DCPS: variants seen among roughly 807,000 people sequenced by gnomAD.
The protein encoded by DCPS is m7GpppX diphosphatase.
Under a neutral mutation model 34.7 loss-of-function variants are expected in DCPS, and 27 were observed. The ratio of observed to expected loss-of-function variants is 0.78; its 90% CI spans 0.57 to 1.07. DCPS has a LOEUF of 1.07. Among genes scored for constraint, DCPS ranks in the 50% least tolerant of loss-of-function variants. The pLI is 0.00. For missense variants in DCPS, 464 were observed against 436.9 expected, an observed-to-expected ratio of 1.06 and a Z score of -0.55; for synonymous variants, 185 against 185.7, an observed-to-expected ratio of 1.00 and a Z score of 0.03.
chr11:126,327,777 A>G lies in DCPS; in HGVS notation c.377-3628A>G, dbSNP rs1218144493. Among the ~76,000 whole-genome samples, 1 of 152,246 alleles carries G rather than the reference A, an allele frequency of 6.6e-6. No individual in the cohort carries two copies. Among genetic ancestry groups the G allele is most frequent in the Admixed American group, 6.5e-5 (1 of 15,278 alleles). ...TCGAAAAGGCCAGATTCATTGATTC[A>G]TTTGTTCACTAAGTATTTACTGAGT... On this transcript the variant is annotated intron_variant, in intron 2 of 5. Coordinates refer to ENST00000263579, the MANE Select transcript of DCPS (RefSeq NM_014026.6). The surrounding 1 kb of genome is among the most constrained non-coding windows in gnomAD (Gnocchi z 4.1).
chr11:126,334,592 C>T lies in DCPS; in HGVS notation c.522+3042C>T, dbSNP rs745684060. 2.6e-5 allele frequency among the ~76,000 whole-genome samples: 4 copies of T among 152,134 alleles called. No individual in the cohort carries two copies. Among genetic ancestry groups the T allele is most frequent in the Non-Finnish European group, 5.9e-5 (4 of 68,032 alleles). On this transcript the variant is annotated intron_variant, in intron 3 of 5. Transcript: ENST00000263579. The surrounding 1 kb of genome is among the most constrained non-coding windows in gnomAD (Gnocchi z 5.5). The stretch of plus-strand genomic sequence containing the variant: ...CTCCTGACCTCAAGTGACCTGCCCA[C>T]CTTGGCCTCCCAAAGTGCTGGGATT...
chr11:126,344,247 C>G lies in DCPS; in HGVS notation c.747+830C>G, dbSNP rs564748985. ...CCTGGAGGCAAGGCTCTGCCCATACCCAGCTTCCCCTGCTGCTGGGCCCCG... is the reference window on the plus strand; with the variant it reads ...CCTGGAGGCAAGGCTCTGCCCATACGCAGCTTCCCCTGCTGCTGGGCCCCG... On this transcript the variant is annotated intron_variant, in intron 5 of 5. Coordinates refer to ENST00000263579, the MANE Select transcript of DCPS (RefSeq NM_014026.6). This position sits in a 1 kb window ranked among gnomAD's most constrained non-coding sequence, Gnocchi z 8.1. Among the ~76,000 whole-genome samples the G allele has an allele frequency of 1.4e-4, 22 of 152,306 alleles. No individual in the cohort carries two copies. The East Asian group carries it at 4.1e-3, about 28-fold the overall frequency.
rs1213209852 is a variant in DCPS at position 126,323,204 on chromosome 11, A to C, written c.377-8201A>C. Among the ~76,000 whole-genome samples the C allele has an allele frequency of 6.6e-6, 1 of 152,208 alleles. No homozygotes were observed. The highest frequency in any genetic ancestry group is 1.5e-5 in the Non-Finnish European group (1 of 68,046). ...AAGTCTCAAAATATATCTTGCTTGC[A>C]CCATGTCTCTGGGCACAACTTGAGT... On this transcript the variant is annotated intron_variant, in intron 2 of 5. Transcript: ENST00000263579. The surrounding 1 kb of genome is among the most constrained non-coding windows in gnomAD (Gnocchi z 4.4).
Position 126,331,678 on chromosome 11 carries a change from G to C in DCPS, c.522+128G>C, listed in dbSNP as rs1251457639. On this transcript the variant is annotated intron_variant, in intron 3 of 5. Coordinates refer to ENST00000263579, the MANE Select transcript of DCPS (RefSeq NM_014026.6). The surrounding 1 kb of genome is among the most constrained non-coding windows in gnomAD (Gnocchi z 7.2). ...GGCGAGGGGATGGGGGTACAGTAGAGAGCATGGCGGACAGAATCCCCACCT... is the reference window on the plus strand; with the variant it reads ...GGCGAGGGGATGGGGGTACAGTAGACAGCATGGCGGACAGAATCCCCACCT... 2.5e-6 allele frequency: 3 copies of C among 1,180,010 alleles called. No individual in the cohort carries two copies. Among genetic ancestry groups the C allele is most frequent in the African/African-American group, 1.5e-5 (1 of 64,972 alleles). The allele number at this position is 1,180,010 out of a possible 1,614,324, so 73.1% of individuals were successfully genotyped here.
rs1213744844 is a variant in DCPS, at chr11:126,349,347, T to G, written c.*3734T>G. Among the ~76,000 whole-genome samples, 1 of 152,262 alleles carries G rather than the reference T, an allele frequency of 6.6e-6. No homozygotes were observed. The highest frequency in any genetic ancestry group is 2.4e-5 in the African/African-American group (1 of 41,466). On this transcript the variant is annotated 3_prime_UTR_variant, in exon 6 of 6. Coordinates refer to ENST00000263579, the MANE Select transcript of DCPS (RefSeq NM_014026.6). The surrounding 1 kb of genome is among the most constrained non-coding windows in gnomAD (Gnocchi z 5.4). Reference sequence around the variant, plus strand: ...GATGTCACCCTTCCTAGATAAATCCTGGACGGCTCCACGACTGGCTTTTAG... The same window carrying G: ...GATGTCACCCTTCCTAGATAAATCCGGGACGGCTCCACGACTGGCTTTTAG...
At chr11:126,318,824 G>T (rs1951682173) in intron 2 of DCPS, among the ~76,000 whole-genome samples, 2 of 152,228 alleles carry the variant, frequency 1.3e-5, no homozygotes, top group Admixed American at 1.3e-4. Context: ...AGTCTTGTTT[G>T]AACATGTGTA....
chr11:126,304,417 T>A, intron 1 of DCPS, 136 bp downstream of exon 1: 1 of 946,432 alleles, frequency 1.1e-6, no homozygotes, highest in Non-Finnish European at 1.6e-6. Context: ...AGTGCGCCAC[T>A]AGAATGCATA....
chr11:126,306,832 C>T (rs1184816221), intron 2 of DCPS, 88 bp downstream of exon 2: 8 of 1,423,864 alleles, frequency 5.6e-6, no homozygotes, highest in African/African-American at 2.8e-5. Context: ...TCTCTATACC[C>T]GATTTGCATA....
rs758889251 is a variant in DCPS, at chr11:126,348,871, C to A, written c.*3258C>A. Among the ~76,000 whole-genome samples the A allele has an allele frequency of 2.0e-5, 3 of 152,216 alleles. No individual in the cohort carries two copies. Among genetic ancestry groups the A allele is most frequent in the Non-Finnish European group, 2.9e-5 (2 of 68,036 alleles). On this transcript the variant is annotated 3_prime_UTR_variant, in exon 6 of 6. Coordinates refer to ENST00000263579, the MANE Select transcript of DCPS (RefSeq NM_014026.6). This position sits in a 1 kb window ranked among gnomAD's most constrained non-coding sequence, Gnocchi z 5.3. Reference sequence around the variant, plus strand: ...ATATAGCAGATCATTTCATGACCCACATTCTCCTTCCTTTTTACGAAGAAA... The same window carrying A: ...ATATAGCAGATCATTTCATGACCCAAATTCTCCTTCCTTTTTACGAAGAAA...
At chr11:126,316,008 T>C (rs1193856619) in intron 2 of DCPS, among the ~76,000 whole-genome samples, 2 of 152,016 alleles carry the variant, frequency 1.3e-5, no homozygotes, top group Non-Finnish European at 2.9e-5. Context: ...TCACCACGCC[T>C]GGCTGGAGAG....
chr11:126,326,334 G>A (rs1323857622), intron 2 of DCPS, among the ~76,000 whole-genome samples: 1 of 152,202 alleles, frequency 6.6e-6, no homozygotes, highest in Non-Finnish European at 1.5e-5. Flanking sequence ...CCTGCCGTGG[G>A]CAGATGGGGC....
Position 126,330,033 on chromosome 11 carries a change from T to C in DCPS, c.377-1372T>C, listed in dbSNP as rs539282867. On this transcript the variant is annotated intron_variant, in intron 2 of 5. Transcript: ENST00000263579. ...CAATGTATACATGTTAGAGTAATGATGACAATTGTACCAGATGTTTTTAAA... is the reference window on the plus strand; with the variant it reads ...CAATGTATACATGTTAGAGTAATGACGACAATTGTACCAGATGTTTTTAAA... Among the ~76,000 whole-genome samples, 10 of 152,164 alleles carry C rather than the reference T, an allele frequency of 6.6e-5. No individual in the cohort carries two copies. In the South Asian group the frequency reaches 2.1e-3, roughly 32 times the overall value.
chr11:126,336,115 CAAAAA>C lies in DCPS; in HGVS notation c.523-2156_523-2152del, dbSNP rs34762229. On this transcript the variant is annotated intron_variant, in intron 3 of 5. Coordinates refer to ENST00000263579, the MANE Select transcript of DCPS (RefSeq NM_014026.6). The surrounding 1 kb of genome is among the most constrained non-coding windows in gnomAD (Gnocchi z 6.3). ...TGGGCGAAAGAGCAAGACTCCATCT[CAAAAA>C]AAAAAAAAAAAAAATGGCGACAATG... Among the ~76,000 whole-genome samples the C allele has an allele frequency of 9.2e-6, 1 of 109,178 alleles. No homozygotes were observed. Among genetic ancestry groups the C allele is most frequent in the Non-Finnish European group, 1.9e-5 (1 of 53,938 alleles). The allele number at this position is 109,178 out of a possible 152,430, so 71.6% of individuals were successfully genotyped here.
Position 126,337,483 on chromosome 11 carries a change from A to G in DCPS, c.523-803A>G, listed in dbSNP as rs1951840905. 6.6e-6 allele frequency: 1 copy of G among 152,244 alleles called. No individual in the cohort carries two copies. Among genetic ancestry groups the G allele is most frequent in the Non-Finnish European group, 1.5e-5 (1 of 68,090 alleles). The allele number at this position is 152,244 out of a possible 1,614,324, so 9.4% of individuals were successfully genotyped here. On this transcript the variant is annotated intron_variant, in intron 3 of 5. Transcript: ENST00000263579. The surrounding 1 kb of genome is among the most constrained non-coding windows in gnomAD (Gnocchi z 5.3). ...GACAGGCCTCCAGGACCATCTCTGTAAAGTAATGTCCTTGGGTCAACACAG... is the reference window on the plus strand; with the variant it reads ...GACAGGCCTCCAGGACCATCTCTGTGAAGTAATGTCCTTGGGTCAACACAG...
At position 126,345,250 on chromosome 11, in the gene DCPS, A is replaced by C; in HGVS notation, c.748-97A>C. On this transcript the variant is annotated intron_variant, in intron 5 of 5. Transcript: ENST00000263579. The surrounding 1 kb of genome is among the most constrained non-coding windows in gnomAD (Gnocchi z 7.4). The stretch of plus-strand genomic sequence containing the variant: ...GGTTTTTGTGAGCTGTCCCAGGCCA[A>C]TCCAGGATTCAGATGGGAGGAGGGT... 6.5e-7 allele frequency: 1 copy of C among 1,546,234 alleles called. No individual in the cohort carries two copies. Among genetic ancestry groups the C allele is most frequent in the South Asian group, 1.2e-5 (1 of 82,412 alleles).
At position 126,344,278 on chromosome 11, in the gene DCPS, T is replaced by G. The variant is rs1024768660; in HGVS notation, c.747+861T>G. 1.3e-5 allele frequency among the ~76,000 whole-genome samples: 2 copies of G among 152,208 alleles called. No individual in the cohort carries two copies. The highest frequency in any genetic ancestry group is 4.8e-5 in the African/African-American group (2 of 41,452). On this transcript the variant is annotated intron_variant, in intron 5 of 5. Coordinates refer to ENST00000263579, the MANE Select transcript of DCPS (RefSeq NM_014026.6). This position sits in a 1 kb window ranked among gnomAD's most constrained non-coding sequence, Gnocchi z 8.1. Reference sequence around the variant, plus strand: ...TCCCCTGCTGCTGGGCCCCGATCTATCTTCCCTCCTGCTCACCCACGGCAC... The same window carrying G: ...TCCCCTGCTGCTGGGCCCCGATCTAGCTTCCCTCCTGCTCACCCACGGCAC...
Position 126,335,653 on chromosome 11 carries a change from G to C in DCPS, c.523-2633G>C, listed in dbSNP as rs11220454. 0.01 allele frequency among the ~76,000 whole-genome samples: 1,527 copies of C among 152,324 alleles called. 27 individuals are homozygous for C. The highest frequency in any genetic ancestry group is 0.034 in the African/African-American group (1,419 of 41,562). On this transcript the variant is annotated intron_variant, in intron 3 of 5. Transcript: ENST00000263579. The surrounding 1 kb of genome is among the most constrained non-coding windows in gnomAD (Gnocchi z 4.8). ...ACTGTAAAATGGGGACAATGTCCAG[G>C]CGCGGTGGCTTATGCCTGTAATCCC...
rs778753653 is a variant in DCPS at position 126,346,316 on chromosome 11, C to G, written c.*703C>G. ...TATCTCGGCAGGAAGACAAAACAGA[C>G]TCACATGAAGCAGCCAGAAGATCAA... On this transcript the variant is annotated 3_prime_UTR_variant, in exon 6 of 6. Transcript: ENST00000263579. This position sits in a 1 kb window ranked among gnomAD's most constrained non-coding sequence, Gnocchi z 4.1. Among the ~76,000 whole-genome samples, 2 of 152,166 alleles carry G rather than the reference C, an allele frequency of 1.3e-5. No individual in the cohort carries two copies. Among genetic ancestry groups the G allele is most frequent in the African/African-American group, 2.4e-5 (1 of 41,440 alleles).
intron 2 of DCPS, 108 bp downstream of exon 2, chr11:126,306,852 A>T: frequency 7.8e-7 from 1 of 1,286,472 alleles, no homozygotes; most frequent in Non-Finnish European, 1.0e-6. Context: ...ATTCTAGTAC[A>T]ATAGGGAGAT....
Sources: allele counts gnomAD v4.1 joint callset (sites outside exome capture counted in the v4.1 genomes callset), GRCh38; gene constraint gnomAD v4.1.1; non-coding constraint Gnocchi (gnomAD v3.1); transcripts MANE v1.5; gene names NCBI Gene and HGNC (gene_info 2026-07-23, HGNC 2026-07-21).